The following DET1 variants were observed in gnomAD, a reference collection of about 807,000 sequenced individuals.
The protein encoded by DET1 is DET1 homolog.
Under a neutral mutation model 43.7 loss-of-function variants are expected in DET1, and 22 were observed. That is an observed-to-expected ratio of 0.50 (90% CI 0.36 to 0.72). DET1 has a LOEUF of 0.72. Among genes scored for constraint, DET1 ranks in the 30% least tolerant of loss-of-function variants. The probability of loss-of-function intolerance (pLI) is 0.00; values close to 1 mark genes in which losing one functional copy is unlikely to be tolerated. For synonymous variants in DET1, 315 were observed against 266.2 expected, an observed-to-expected ratio of 1.18 and a Z score of -1.79; for missense variants, 713 against 713.3, an observed-to-expected ratio of 1.00 and a Z score of 0.00.
intron 1 of DET1, among the ~76,000 whole-genome samples, chr15:88,538,319 C>T (rs1447362297): frequency 6.6e-6 from 1 of 150,922 alleles, no homozygotes. Context: ...AAGCTATATC[C>T]ACAGTCCCCA....
intron 1 of DET1, among the ~76,000 whole-genome samples, chr15:88,540,509 G>A (rs775021416): frequency 8.6e-5 from 13 of 151,752 alleles, no homozygotes; most frequent in African/African-American, 3.1e-4. Context: ...CCTTGCAAGT[G>A]TTGGAGCCCC....
intron 1 of DET1, among the ~76,000 whole-genome samples, chr15:88,541,864 G>A (rs1659174989): frequency 6.6e-6 from 1 of 152,150 alleles, no homozygotes; most frequent in Non-Finnish European, 1.5e-5. Context: ...GAAGAAGGGA[G>A]GACATGTCTC....
At chr15:88,511,649 T>A, downstream of DET1, 1 of 976,518 alleles carries the variant, frequency 1.0e-6, no homozygotes, top group Non-Finnish European at 1.2e-6. Context: ...ATTTCTCTCC[T>A]CATCCTTGGC....
intron 3 of DET1, among the ~76,000 whole-genome samples, chr15:88,520,590 T>C (rs929314194): frequency 3.3e-5 from 5 of 152,268 alleles, no homozygotes; most frequent in Non-Finnish European, 7.3e-5. Flanking sequence ...CAACTCTCTC[T>C]TGCAAGCTGT....
At chr15:88,544,857 C>G (rs1019570464) in intron 1 of DET1, among the ~76,000 whole-genome samples, 2 of 152,152 alleles carry the variant, frequency 1.3e-5, no homozygotes, top group Admixed American at 6.5e-5. Context: ...TTTATGTATA[C>G]TGTTCCCAAA....
In DET1 at chr15:88,516,708, C is replaced by G. The variant is rs765658963; in HGVS notation, c.1463+74G>C. 121 of 1,279,922 alleles carry G rather than the reference C, an allele frequency of 9.5e-5. No homozygotes were observed. The highest frequency in any genetic ancestry group is 1.2e-4 in the Non-Finnish European group (118 of 965,838). The allele number at this position is 1,279,922 out of a possible 1,614,324, so 79.3% of individuals were successfully genotyped here. A position where few individuals can be genotyped will look rare whatever the true frequency, so the allele number is the denominator to read the frequency against. ...AGTCACAGTCACAATCAAATGATGT[C>G]CAGAAAAAGAGAAAAAGAAAGCAGG... On this transcript the variant is annotated intron_variant, in intron 4 of 4. Transcript: ENST00000268148. The surrounding 1 kb of genome is among the most constrained non-coding windows in gnomAD (Gnocchi z 4.4).
In DET1 at chr15:88,531,047, T is replaced by C; in HGVS notation, c.659A>G (p.Gln220Arg). The C allele has an allele frequency of 6.2e-7, 1 of 1,613,784 alleles. No individual in the cohort carries two copies. The highest frequency in any genetic ancestry group is 8.5e-7 in the Non-Finnish European group (1 of 1,179,790). Reference protein sequence around the residue: ...KCDKVVLSHNQGLYLYKNILA... With the variant: ...KCDKVVLSHNRGLYLYKNILA... ...GATGTTTTTGTACAAGTACAGCCCT[T>C]GGTTGTGTGACAAGACCACCTTGTC... Residue 220 changes from glutamine to arginine, a missense_variant, in exon 2 of 5, where the codon CAA becomes CGA. Transcript: ENST00000268148. The surrounding 1 kb of genome is among the most constrained non-coding windows in gnomAD (Gnocchi z 6.2).
intron 2 of DET1, among the ~76,000 whole-genome samples, chr15:88,530,298 G>C (rs2056776729): frequency 6.6e-6 from 1 of 152,178 alleles, no homozygotes; most frequent in African/African-American, 2.4e-5. Flanking sequence ...AAAATCAAGG[G>C]AGGTTATCCA....
At chr15:88,523,020 C>G (rs1396623436) in intron 3 of DET1, among the ~76,000 whole-genome samples, 3 of 151,704 alleles carry the variant, frequency 2.0e-5, no homozygotes, top group Non-Finnish European at 2.9e-5. Context: ...GTAGCTGAGC[C>G]GACAGGCGCA....
At chr15:88,515,965 T>C (rs555885767) in intron 4 of DET1, among the ~76,000 whole-genome samples, 1 of 152,346 alleles carries the variant, frequency 6.6e-6, no homozygotes, top group South Asian at 2.1e-4. Flanking sequence ...GGAACTTGAC[T>C]CTAATTTCCC....
downstream of DET1, among the ~76,000 whole-genome samples, chr15:88,508,581 A>T (rs1418054614): frequency 6.6e-6 from 1 of 152,244 alleles, no homozygotes; most frequent in African/African-American, 2.4e-5. Context: ...TTCTTGGTAT[A>T]GAGACAAATC....
chr15:88,539,038 G>C (rs895276267), intron 1 of DET1, among the ~76,000 whole-genome samples: 4 of 151,876 alleles, frequency 2.6e-5, no homozygotes, highest in Admixed American at 2.0e-4. Flanking sequence ...CCCCTCCCTT[G>C]GACTTAGCTG....
At position 88,531,397 on chromosome 15, in the gene DET1, T is replaced by A; in HGVS notation, c.309A>T (p.Glu103Asp). 6.2e-7 allele frequency: 1 copy of A among 1,614,024 alleles called. No homozygotes were observed. The highest frequency in any genetic ancestry group is 8.5e-7 in the Non-Finnish European group (1 of 1,179,888). The change falls in exon 2 of 5, where the codon GAA becomes GAT. Residue 103 changes from glutamate to aspartate, a missense_variant. Physicochemically the swap from Glu to Asp is conservative, Grantham distance 45. Transcript: ENST00000268148. This position sits in a 1 kb window ranked among gnomAD's most constrained non-coding sequence, Gnocchi z 6.2. Reference sequence around the variant, plus strand: ...GCTGGTCATTGCCATTGGACAGGATTTCTCCTTCGTATCCCTGCAGTAGGT... The same window carrying A: ...GCTGGTCATTGCCATTGGACAGGATATCTCCTTCGTATCCCTGCAGTAGGT... ...AEDLLQGYEG[E>D]ILSNGNDQRS...
intron 1 of DET1, among the ~76,000 whole-genome samples, chr15:88,535,347 A>T (rs980118259): frequency 1.3e-5 from 2 of 152,182 alleles, no homozygotes; most frequent in Admixed American, 6.5e-5. Context: ...GGGAAAAAAT[A>T]AAAAGACTGA....
intron 3 of DET1, among the ~76,000 whole-genome samples, chr15:88,517,748 A>G (rs561333782): frequency 1.2e-4 from 18 of 152,324 alleles, no homozygotes; most frequent in Non-Finnish European, 2.4e-4. Flanking sequence ...AACTTCTAGC[A>G]AGCCTTTCAC....
intron 3 of DET1, among the ~76,000 whole-genome samples, chr15:88,525,513 A>C (rs931483270): frequency 6.6e-6 from 1 of 152,198 alleles, no homozygotes; most frequent in Non-Finnish European, 1.5e-5. Flanking sequence ...CATTCAGCAA[A>C]TACCTACAGA....
At chr15:88,535,488 G>A (rs1352580828) in intron 1 of DET1, among the ~76,000 whole-genome samples, 2 of 152,106 alleles carry the variant, frequency 1.3e-5, no homozygotes, top group Admixed American at 6.5e-5. Flanking sequence ...GGTGGTGGTG[G>A]CACACATCCA....
intron 1 of DET1, among the ~76,000 whole-genome samples, chr15:88,541,332 C>G (rs990213520): frequency 6.6e-5 from 10 of 151,788 alleles, no homozygotes; most frequent in Admixed American, 4.6e-4. Context: ...TGAGAAACAC[C>G]CACAGATGAT....
At chr15:88,515,844 G>A (rs56112309) in intron 4 of DET1, among the ~76,000 whole-genome samples, 13,476 of 152,108 alleles carry the variant, frequency 0.089, 702 homozygotes, top group South Asian at 0.12. Flanking sequence ...GAGTGGCCAC[G>A]AGCTGGTAAC....
Sources: allele counts gnomAD v4.1 joint callset (sites outside exome capture counted in the v4.1 genomes callset), GRCh38; gene constraint gnomAD v4.1.1; non-coding constraint Gnocchi (gnomAD v3.1); transcripts MANE v1.5; gene names NCBI Gene and HGNC (gene_info 2026-07-23, HGNC 2026-07-21).